Variants in TMC5 observed in about 807,000 individuals in gnomAD.
The protein encoded by TMC5 is transmembrane channel like 5.
A neutral mutation model predicts 110.5 loss-of-function variants in TMC5; 86 were observed. That is an observed-to-expected ratio of 0.78 (90% CI 0.65 to 0.93). The LOEUF (loss-of-function observed/expected upper bound fraction) is 0.93, where lower values mean the gene tolerates loss of function less well. TMC5 is among the 40% of genes least tolerant of loss of function. The pLI is 0.00. For synonymous variants in TMC5, 455 were observed against 439.5 expected (o/e 1.04, Z -0.44); for missense variants, 1,144 against 1,222.8 (o/e 0.94, Z 0.96).
chr16:19,413,278 C>A (rs1461332602), upstream of TMC5, among the ~76,000 whole-genome samples: 1 of 151,932 alleles, frequency 6.6e-6, no homozygotes, highest in Non-Finnish European at 1.5e-5. Context: ...ATTCCCAGCA[C>A]TTTGGGAGGC....
At chr16:19,426,195 C>T (rs993511253) in intron 1 of TMC5, among the ~76,000 whole-genome samples, 3 of 152,120 alleles carry the variant, frequency 2.0e-5, no homozygotes, top group South Asian at 2.1e-4. Flanking sequence ...TATAAGAATC[C>T]GAATTAGTCT....
At chr16:19,436,575 TACAG>T (rs1280371431) in intron 2 of TMC5, among the ~76,000 whole-genome samples, 2 of 152,356 alleles carry the variant, frequency 1.3e-5, no homozygotes, top group African/African-American at 2.4e-5. Flanking sequence ...TTCTTAGCAC[TACAG>T]ACAGTTTATA....
intron 6 of TMC5, among the ~76,000 whole-genome samples, 167 bp from the exon 7 acceptor site, chr16:19,463,113 G>A (rs1394818004): frequency 2.0e-5 from 3 of 151,944 alleles, no homozygotes; most frequent in African/African-American, 7.3e-5. Context: ...ATAGAGACAA[G>A]GTCCCACTAT....
At chr16:19,487,823 C>T (rs535405988) in intron 17 of TMC5, 1 of 152,262 alleles carries the variant, frequency 6.6e-6, no homozygotes, top group African/African-American at 2.4e-5. Flanking sequence ...TTATTACTCA[C>T]AGTTCCTGAG....
chr16:19,496,983 C>T (rs368239290), intron 20 of TMC5, 138 bp from the exon 21 acceptor site: 120 of 692,118 alleles, frequency 1.7e-4, no homozygotes, highest in African/African-American at 1.5e-3. Context: ...ATTTCTATGG[C>T]GGAGACTTGG....
At chr16:19,494,239 G>C in intron 19 of TMC5, 23 bp from the exon 20 acceptor site, 1 of 1,576,408 alleles carries the variant, frequency 6.3e-7, no homozygotes, top group Non-Finnish European at 8.7e-7. Flanking sequence ...GTTTCTTTCT[G>C]GTTTTGTTTT....
At chr16:19,427,513 T>G (rs928495747) in intron 1 of TMC5, among the ~76,000 whole-genome samples, 15 of 152,144 alleles carry the variant, frequency 9.9e-5, no homozygotes, top group African/African-American at 3.6e-4. Flanking sequence ...CTGGCCATAT[T>G]TGAAGTGTTC....
intron 2 of TMC5, among the ~76,000 whole-genome samples, chr16:19,435,914 C>T (rs1049777280): frequency 5.9e-5 from 9 of 152,154 alleles, no homozygotes; most frequent in Non-Finnish European, 1.2e-4. Flanking sequence ...AATTCATTCA[C>T]TTATTCCACC....
Position 19,439,870 on chromosome 16 carries a change from AAGG to A in TMC5, c.-79-87_-79-85del, listed in dbSNP as rs1295147998. 6 of 613,608 alleles carry A rather than the reference AAGG, an allele frequency of 9.8e-6. No individual in the cohort carries two copies. The East Asian group carries it at 1.6e-4, about 17-fold the overall frequency. The allele number at this position is 613,608 out of a possible 1,614,324, so 38.0% of individuals were successfully genotyped here. ...CAGTTGTGTACCTGACTACGAACGA[AAGG>A]AGAACAGATACTGGAAGATAACCAG... On this transcript the variant is annotated intron_variant, in intron 2 of 21. Coordinates refer to ENST00000542583, the MANE Select transcript of TMC5 (RefSeq NM_001261841.2).
chr16:19,456,836 G>A, intron 5 of TMC5: 1 of 1,614,152 alleles, frequency 6.2e-7, no homozygotes, highest in Non-Finnish European at 8.5e-7. Flanking sequence ...CATCAACATG[G>A]TTTTGTCAAT....
intron 18 of TMC5, 65 bp downstream of exon 18, chr16:19,490,633 G>T: frequency 6.5e-7 from 1 of 1,547,242 alleles, no homozygotes; most frequent in South Asian, 1.1e-5. Flanking sequence ...ACAGCAGTAG[G>T]GATGTTTGGT....
At chr16:19,414,449 T>G (rs1316588318), upstream of TMC5, among the ~76,000 whole-genome samples, 1 of 152,216 alleles carries the variant, frequency 6.6e-6, no homozygotes, top group East Asian at 1.9e-4. Context: ...TGGAGTTTCA[T>G]GTGTGTTATT....
At chr16:19,490,204 A>G (rs963896250) in intron 17 of TMC5, among the ~76,000 whole-genome samples, 191 bp from the exon 18 acceptor site, 1 of 152,138 alleles carries the variant, frequency 6.6e-6, no homozygotes, top group Non-Finnish European at 1.5e-5. Flanking sequence ...CTCTGATCTG[A>G]GAGCAGGTCC....
At chr16:19,489,038 C>T (rs62026179) in intron 17 of TMC5, among the ~76,000 whole-genome samples, 1 of 147,056 alleles carries the variant, frequency 6.8e-6, no homozygotes, top group African/African-American at 2.7e-5. Context: ...TCTTCTCTCT[C>T]TTCCTTGCTC....
chr16:19,428,308 CTTT>C (rs34374548), intron 1 of TMC5, among the ~76,000 whole-genome samples: 8 of 131,466 alleles, frequency 6.1e-5, no homozygotes, highest in Admixed American at 7.7e-5. Context: ...TTTCCCAATT[CTTT>C]TTTTTTTTTT....
At chr16:19,484,060 C>T (rs1042035934) in intron 15 of TMC5, among the ~76,000 whole-genome samples, 1 of 142,490 alleles carries the variant, frequency 7.0e-6, no homozygotes, top group South Asian at 2.1e-4. Flanking sequence ...CCAGCCTGGG[C>T]GACAAGAGTG....
At chr16:19,429,588 G>A (rs553626102) in intron 1 of TMC5, among the ~76,000 whole-genome samples, 1 of 152,144 alleles carries the variant, frequency 6.6e-6, no homozygotes, top group African/African-American at 2.4e-5. Flanking sequence ...GCAACCACTC[G>A]TCCATGTGTG....
intron 11 of TMC5, among the ~76,000 whole-genome samples, chr16:19,473,707 C>T (rs563014150): frequency 2.0e-5 from 3 of 152,062 alleles, no homozygotes; most frequent in African/African-American, 4.8e-5. Flanking sequence ...TAGCCGGGCG[C>T]GATGGCTCAT....
chr16:19,468,364 G>T (rs1968240609), intron 9 of TMC5, among the ~76,000 whole-genome samples: 2 of 152,104 alleles, frequency 1.3e-5, no homozygotes, highest in African/African-American at 4.8e-5. Context: ...TTGTGTGTGT[G>T]CTCAGGGCTT....
Sources: allele counts gnomAD v4.1 joint callset (sites outside exome capture counted in the v4.1 genomes callset), GRCh38; gene constraint gnomAD v4.1.1; transcripts MANE v1.5; gene names NCBI Gene and HGNC (gene_info 2026-07-23, HGNC 2026-07-21).